Variants in COL8A1 observed in about 807,000 individuals in gnomAD.
COL8A1 encodes the protein collagen alpha-1(VIII) chain.
COL8A1 carries 21 observed loss-of-function variants against 42.7 expected under a neutral mutation model. The observed-to-expected ratio is 0.49, with a 90% CI of 0.35 to 0.71. The LOEUF (loss-of-function observed/expected upper bound fraction) is 0.71. COL8A1 is among the 30% of genes least tolerant of loss of function. COL8A1 has a pLI of 0.01. For synonymous variants in COL8A1, 367 were observed against 369.1 expected (o/e 0.99, Z 0.06); for missense variants, 788 against 962.4 (o/e 0.82, Z 2.40).
At chr3:99,657,888 G>C (rs1938074113) in intron 1 of COL8A1, among the ~76,000 whole-genome samples, 1 of 152,076 alleles carries the variant, frequency 6.6e-6, no homozygotes, top group African/African-American at 2.4e-5. Context: ...CCAGCACTTT[G>C]GGAGGCCAAG....
chr3:99,665,242 T>C (rs1938328344), intron 1 of COL8A1, among the ~76,000 whole-genome samples: 1 of 152,210 alleles, frequency 6.6e-6, no homozygotes, highest in East Asian at 1.9e-4. Context: ...TCACTTGGCT[T>C]TGAGAAATAG....
chr3:99,675,234 T>C (rs1207078508), intron 1 of COL8A1, among the ~76,000 whole-genome samples: 1 of 152,058 alleles, frequency 6.6e-6, no homozygotes, highest in East Asian at 1.9e-4. Context: ...AGTAAACTGA[T>C]ATTTTGAAGC....
chr3:99,783,338 T>C (rs1258091808), intron 2 of COL8A1, among the ~76,000 whole-genome samples: 24 of 152,212 alleles, frequency 1.6e-4, no homozygotes, highest in African/African-American at 1.7e-4. Context: ...TATCTGCCTA[T>C]AGCTAGTACA....
chr3:99,741,533 C>A (rs1940899288), intron 1 of COL8A1, among the ~76,000 whole-genome samples: 1 of 152,136 alleles, frequency 6.6e-6, no homozygotes, highest in African/African-American at 2.4e-5. Context: ...GGTCTAGAAG[C>A]TTTTTCTGCT....
rs535364261 is a variant in COL8A1 at position 99,734,403 on chromosome 3, G to A, written c.-128-10494G>A. On this transcript the variant is annotated intron_variant, in intron 1 of 3. Transcript: ENST00000652472. ...TTTTCCCAGCACCATTTATTAAATA[G>A]GGAATCCTTTCCCCATTGCTTGTTT... Among the ~76,000 whole-genome samples the A allele has an allele frequency of 9.8e-4, 145 of 148,704 alleles. 3 individuals are homozygous for A. The highest frequency in any genetic ancestry group is 3.5e-3 in the African/African-American group (138 of 39,374).
At chr3:99,741,499 T>C (rs1354721489) in intron 1 of COL8A1, among the ~76,000 whole-genome samples, 2 of 152,180 alleles carry the variant, frequency 1.3e-5, no homozygotes, top group Admixed American at 1.3e-4. Context: ...TATATTACAA[T>C]TTTAGTAGTC....
chr3:99,766,151 T>C (rs902147090), intron 2 of COL8A1, among the ~76,000 whole-genome samples: 6 of 152,220 alleles, frequency 3.9e-5, no homozygotes, highest in Admixed American at 1.3e-4. Context: ...CTACCCTTTA[T>C]TGAGTTTCTG....
At chr3:99,721,500 G>A (rs1022261156) in intron 1 of COL8A1, among the ~76,000 whole-genome samples, 4 of 151,952 alleles carry the variant, frequency 2.6e-5, no homozygotes, top group Non-Finnish European at 5.9e-5. Context: ...GGATGGTCAG[G>A]GCTGAGAGAG....
At chr3:99,757,022 G>A (rs534786273) in intron 2 of COL8A1, among the ~76,000 whole-genome samples, 21 of 152,224 alleles carry the variant, frequency 1.4e-4, no homozygotes, top group Middle Eastern at 3.4e-3. Context: ...AAGAAGAAAC[G>A]AAATTCTAAT....
chr3:99,773,330 A>G (rs1941616191), intron 2 of COL8A1, among the ~76,000 whole-genome samples: 1 of 152,204 alleles, frequency 6.6e-6, no homozygotes, highest in Admixed American at 6.5e-5. Context: ...CATAGTGAGC[A>G]GGCTCTTCTG....
At chr3:99,773,815 G>GTATATATATATATATATATATA (rs1553682062) in intron 2 of COL8A1, among the ~76,000 whole-genome samples, 4 of 35,912 alleles carry the variant, frequency 1.1e-4, no homozygotes, top group African/African-American at 1.1e-4. Context: ...ATATATGTGT[G>GTATATATATATATATATATATA]TATATATATA....
In COL8A1 at chr3:99,795,481, C is replaced by A. The variant is rs1465796881; in HGVS notation, c.1580C>A (p.Pro527His). ...GGGGAGCCGGGCCTCCCAGGGCCCC[C>A]TGGGTTCCCTGGTATAGGGAAACCC... ...PKGEPGLPGP[P>H]GFPGIGKPGV... is the part of the protein sequence containing the mutation. The change falls in exon 4 of 4, where the codon CCT (proline) becomes CAT (histidine). Residue 527 changes from proline (P) to histidine (H), a missense_variant. Transcript: ENST00000652472. 1 of 1,550,654 alleles carries A rather than the reference C, an allele frequency of 6.4e-7. No individual in the cohort carries two copies. The highest frequency in any genetic ancestry group is 2.4e-5 in the East Asian group (1 of 41,616).
intron 1 of COL8A1, among the ~76,000 whole-genome samples, chr3:99,660,032 T>G (rs1938150655): frequency 6.6e-6 from 1 of 152,226 alleles, no homozygotes; most frequent in Admixed American, 6.5e-5. Context: ...AGAAAAACTG[T>G]GTGGAAGCAC....
chr3:99,787,007 T>C (rs59214644), intron 2 of COL8A1, among the ~76,000 whole-genome samples: 4,241 of 152,210 alleles, frequency 0.028, 200 homozygotes, highest in African/African-American at 0.097. Flanking sequence ...GAGAGGCTTA[T>C]ACACACCACA....
In COL8A1 at chr3:99,795,083, G is replaced by A. The variant is rs1345219711; in HGVS notation, c.1182G>A (p.Leu394=). 6.2e-7 allele frequency: 1 copy of A among 1,612,208 alleles called. No homozygotes were observed. The highest frequency in any genetic ancestry group is 8.5e-7 in the Non-Finnish European group (1 of 1,179,104). Residue 394 remains leucine (L), a synonymous_variant, in exon 4 of 4, where the codon CTG becomes CTA. Transcript: ENST00000652472. ...GIGGPPGEPG[L]PGIPGPMGPP... Reference sequence around the variant, plus strand: ...GGGGTCCTCCAGGAGAGCCAGGCCTGCCTGGAATCCCAGGTCCTATGGGCC... The same window carrying A: ...GGGGTCCTCCAGGAGAGCCAGGCCTACCTGGAATCCCAGGTCCTATGGGCC...
rs201629366 is a variant in COL8A1 at position 99,647,207 on chromosome 3, G to A, written c.-129+8543G>A. The stretch of plus-strand genomic sequence containing the variant: ...TTGATGACATATCTACCCTGCCTGA[G>A]CGCATCTCCTGGGACTGATATTCTA... On this transcript the variant is annotated intron_variant, in intron 1 of 3. Coordinates refer to ENST00000652472, the MANE Select transcript of COL8A1 (RefSeq NM_020351.4). Among the ~76,000 whole-genome samples, 4 of 152,110 alleles carry A rather than the reference G, an allele frequency of 2.6e-5. No individual in the cohort carries two copies. The East Asian group carries it at 7.7e-4, about 29-fold the overall frequency.
At chr3:99,731,734 A>G (rs1940515901) in intron 1 of COL8A1, among the ~76,000 whole-genome samples, 1 of 152,132 alleles carries the variant, frequency 6.6e-6, no homozygotes, top group Non-Finnish European at 1.5e-5. Flanking sequence ...AGATCTGACT[A>G]TGGTATAGAA....
intron 1 of COL8A1, among the ~76,000 whole-genome samples, chr3:99,713,798 C>G (rs1939913216): frequency 6.6e-6 from 1 of 151,778 alleles, no homozygotes; most frequent in African/African-American, 2.4e-5. Context: ...AAAAAAAATA[C>G]AATTAAAACA....
At chr3:99,660,023 G>GA (rs1343865203) in intron 1 of COL8A1, among the ~76,000 whole-genome samples, 1 of 152,194 alleles carries the variant, frequency 6.6e-6, no homozygotes, top group African/African-American at 2.4e-5. Context: ...CAATAAACTA[G>GA]AAAAACTGTG....
Sources: allele counts gnomAD v4.1 joint callset (sites outside exome capture counted in the v4.1 genomes callset), GRCh38; gene constraint gnomAD v4.1.1; transcripts MANE v1.5; gene names NCBI Gene and HGNC (gene_info 2026-07-23, HGNC 2026-07-21).